The following CAMK1D variants were observed in gnomAD, a reference collection of about 807,000 sequenced individuals.
CAMK1D encodes calcium/calmodulin-dependent protein kinase type 1D.
In CAMK1D, 9 loss-of-function variants were observed where a neutral mutation model predicts 47.7. The ratio of observed to expected loss-of-function variants is 0.19; its 90% confidence interval spans 0.11 to 0.33. The LOEUF is 0.33. Ranked by LOEUF, CAMK1D falls within the 10% of genes least tolerant of loss-of-function variation. CAMK1D has a pLI of 1.00. For missense variants in CAMK1D, 291 were observed against 488.7 expected, an observed-to-expected ratio of 0.60 and a Z score of 3.81; for synonymous variants, 184 against 184.9, an observed-to-expected ratio of 0.99 and a Z score of 0.04.
intron 1 of CAMK1D, among the ~76,000 whole-genome samples, chr10:12,546,727 G>A (rs1011887887): frequency 1.3e-4 from 19 of 150,476 alleles, no homozygotes; most frequent in East Asian, 5.9e-4. Context: ...ACCAAACACC[G>A]CATGTTCTCA....
intron 1 of CAMK1D, among the ~76,000 whole-genome samples, chr10:12,352,292 C>T (rs186513803): frequency 5.9e-5 from 9 of 152,248 alleles, no homozygotes; most frequent in African/African-American, 1.2e-4. Context: ...GTATTTGGAA[C>T]GCGAACTTTA....
intron 1 of CAMK1D, among the ~76,000 whole-genome samples, chr10:12,427,700 G>GTTTTTTTGTTTTTTTTTTTTTT (rs1290974363): frequency 6.4e-5 from 2 of 31,030 alleles, no homozygotes; most frequent in Non-Finnish European, 1.2e-4. Flanking sequence ...TGAACTTACT[G>GTTTTTTTGTTTTTTTTTTTTTT]TTTTTTTTTT....
chr10:12,518,883 A>G (rs1452835569), intron 1 of CAMK1D, among the ~76,000 whole-genome samples: 2 of 128,122 alleles, frequency 1.6e-5, no homozygotes, highest in African/African-American at 2.9e-5. Flanking sequence ...TCCCATATCT[A>G]CTTCTTTCTA....
Position 12,624,942 on chromosome 10 carries a change from C to T in CAMK1D, c.225-41794C>T, listed in dbSNP as rs571628235. On this transcript the variant is annotated intron_variant, in intron 2 of 10. Coordinates refer to ENST00000619168, the MANE Select transcript of CAMK1D (RefSeq NM_153498.4). ...TGACAGAATCTTCTCATACCTATGC[C>T]CCATTTCTTTCTTCCCCCTTCTCCT... Among the ~76,000 whole-genome samples, 42 of 151,892 alleles carry T rather than the reference C, an allele frequency of 2.8e-4. 1 individual carries two copies. The South Asian group carries it at 8.3e-3, about 30-fold the overall frequency.
rs183063335 is a variant in CAMK1D, at chr10:12,750,467, C to T, written c.300-10481C>T. Reference sequence around the variant, plus strand: ...ACCAAGTCTTGTCTGCTGGGGGTCCCTGCACAAAGCCAGGACCAGCCAGGT... The same window carrying T: ...ACCAAGTCTTGTCTGCTGGGGGTCCTTGCACAAAGCCAGGACCAGCCAGGT... On this transcript the variant is annotated intron_variant, in intron 3 of 10. Coordinates refer to ENST00000619168, the MANE Select transcript of CAMK1D (RefSeq NM_153498.4). Among the ~76,000 whole-genome samples the T allele has an allele frequency of 9.2e-3, 1,399 of 152,288 alleles. 28 individuals are homozygous for T. The highest frequency in any genetic ancestry group is 0.031 in the African/African-American group (1,302 of 41,550).
chr10:12,370,796 C>T (rs777073511), intron 1 of CAMK1D, among the ~76,000 whole-genome samples: 21 of 152,162 alleles, frequency 1.4e-4, no homozygotes, highest in South Asian at 6.2e-4. Context: ...TTAGTAGAGA[C>T]GGGGTTTCAC....
At chr10:12,455,963 A>C (rs1301360441) in intron 1 of CAMK1D, among the ~76,000 whole-genome samples, 1 of 152,216 alleles carries the variant, frequency 6.6e-6, no homozygotes. Context: ...CACCCCGCCC[A>C]TAATAAATGT....
In CAMK1D at chr10:12,725,470, T is replaced by A. The variant is rs193058257; in HGVS notation, c.300-35478T>A. On this transcript the variant is annotated intron_variant, in intron 3 of 10. Coordinates refer to ENST00000619168, the MANE Select transcript of CAMK1D (RefSeq NM_153498.4). ...AATTTTCAAGAGAGAGTAAAGTGCA[T>A]TGTCAGCTCAAATATATGAATCCAA... is the stretch of plus-strand genomic sequence containing the variant. 1.5e-3 allele frequency: 226 copies of A among 154,764 alleles called. 1 individual carries two copies. Among genetic ancestry groups the A allele is most frequent in the African/African-American group, 5.0e-3 (210 of 41,642 alleles). 9.6% of individuals were successfully genotyped at this position (154,764 alleles called of 1,614,324 possible).
chr10:12,525,967 T>C (rs1387720466), intron 1 of CAMK1D, among the ~76,000 whole-genome samples: 1 of 152,216 alleles, frequency 6.6e-6, no homozygotes, highest in Non-Finnish European at 1.5e-5. Flanking sequence ...TTGGCCAAGC[T>C]GGTCTCAAAT....
chr10:12,372,607 T>C (rs1222481099), intron 1 of CAMK1D, among the ~76,000 whole-genome samples: 1 of 152,172 alleles, frequency 6.6e-6, no homozygotes, highest in African/African-American at 2.4e-5. Context: ...TCATAGGGAA[T>C]GGGAGTAATT....
chr10:12,408,230 C>T lies in CAMK1D; in HGVS notation c.92+58320C>T, dbSNP rs188732861. Among the ~76,000 whole-genome samples the T allele has an allele frequency of 1.5e-3, 225 of 150,916 alleles. 2 individuals are homozygous for T. The highest frequency in any genetic ancestry group is 2.7e-4 in the Non-Finnish European group (18 of 67,852). On this transcript the variant is annotated intron_variant, in intron 1 of 10. Transcript: ENST00000619168. ...AGCCTGGAGTGCAGTGGCATGATCT[C>T]GGCTCACTGCAAGCTCCGCCTCCCG...
In CAMK1D at chr10:12,830,002, C is replaced by A. The variant is rs1309681259; in HGVS notation, c.*1115C>A. ...GAAATAAGCCTGCTCCCCCGAGACGCAGGGCTCAGCTTCACAGGCCAGACT... is the reference window on the plus strand; with the variant it reads ...GAAATAAGCCTGCTCCCCCGAGACGAAGGGCTCAGCTTCACAGGCCAGACT... On this transcript the variant is annotated 3_prime_UTR_variant, in exon 11 of 11. Coordinates refer to ENST00000619168, the MANE Select transcript of CAMK1D (RefSeq NM_153498.4). The A allele has an allele frequency of 1.3e-5, 2 of 152,162 alleles. No homozygotes were observed. The highest frequency in any genetic ancestry group is 2.9e-5 in the Non-Finnish European group (2 of 68,078). The allele number at this position is 152,162 out of a possible 1,614,324, so 9.4% of individuals were successfully genotyped here. A position where few individuals can be genotyped will look rare whatever the true frequency, so the allele number is the denominator to read the frequency against.
chr10:12,620,522 ATGT>A (rs1255364806), intron 2 of CAMK1D, among the ~76,000 whole-genome samples: 3 of 152,242 alleles, frequency 2.0e-5, no homozygotes, highest in African/African-American at 4.8e-5. Flanking sequence ...ATGACCAATA[ATGT>A]TGTACATCTT....
intron 2 of CAMK1D, among the ~76,000 whole-genome samples, chr10:12,654,660 A>G (rs1221938816): frequency 6.6e-6 from 1 of 152,198 alleles, no homozygotes; most frequent in Non-Finnish European, 1.5e-5. Context: ...TGAGAGGAGT[A>G]ATGGGTTGGC....
chr10:12,374,258 C>CAAAAAAAAAAAAAA (rs56312810), intron 1 of CAMK1D, among the ~76,000 whole-genome samples: 8 of 91,740 alleles, frequency 8.7e-5, no homozygotes, highest in African/African-American at 1.3e-4. Flanking sequence ...GACTCTGTCT[C>CAAAAAAAAAAAAAA]AAAAAAAAAA....
At chr10:12,361,796 C>T (rs1287329467) in intron 1 of CAMK1D, among the ~76,000 whole-genome samples, 4 of 151,130 alleles carry the variant, frequency 2.6e-5, no homozygotes, top group Admixed American at 2.6e-4. Context: ...CCTCAAATGA[C>T]CCACCCGTCT....
intron 1 of CAMK1D, among the ~76,000 whole-genome samples, chr10:12,523,760 G>A (rs1013394923): frequency 6.6e-6 from 1 of 151,880 alleles, no homozygotes; most frequent in African/African-American, 2.4e-5. Context: ...GGAGACCGTG[G>A]GGAGAGGGAG....
intron 2 of CAMK1D, among the ~76,000 whole-genome samples, chr10:12,563,514 A>T (rs779735278): frequency 1.3e-5 from 2 of 152,190 alleles, no homozygotes; most frequent in African/African-American, 2.4e-5. Context: ...TCCCTCACAG[A>T]CACACCAGAA....
chr10:12,544,529 A>G (rs1836296267), intron 1 of CAMK1D, among the ~76,000 whole-genome samples: 1 of 152,264 alleles, frequency 6.6e-6, no homozygotes. Context: ...ATTCAACTGT[A>G]TAATATTACT....
Sources: allele counts gnomAD v4.1 joint callset (sites outside exome capture counted in the v4.1 genomes callset), GRCh38; gene constraint gnomAD v4.1.1; transcripts MANE v1.5; gene names NCBI Gene and HGNC (gene_info 2026-07-23, HGNC 2026-07-21).